Variants in TEX264 observed in about 807,000 individuals in gnomAD.
TEX264 encodes testis expressed 264, ER-phagy receptor.
Under a neutral mutation model 23.4 loss-of-function variants are expected in TEX264, and 13 were observed. The observed-to-expected ratio is 0.56, with a 90% CI of 0.36 to 0.88. The LOEUF is 0.88. Among genes scored for constraint, TEX264 ranks in the 40% least tolerant of loss-of-function variants. The pLI, the probability that TEX264 is intolerant of heterozygous loss-of-function variation, is 0.01. For missense variants in TEX264, 340 were observed against 406.8 expected, an observed-to-expected ratio of 0.84 and a Z score of 1.41; for synonymous variants, 159 against 170.0, an observed-to-expected ratio of 0.94 and a Z score of 0.50.
chr3:51,687,249 C>T (rs1330046231), intron 3 of TEX264, among the ~76,000 whole-genome samples: 2 of 152,186 alleles, frequency 1.3e-5, no homozygotes, highest in African/African-American at 4.8e-5. Flanking sequence ...CTTGTTTTGG[C>T]AGCAGGGTGT....
intron 3 of TEX264, among the ~76,000 whole-genome samples, chr3:51,692,728 A>C (rs1702872335): frequency 6.6e-6 from 1 of 152,130 alleles, no homozygotes; most frequent in Non-Finnish European, 1.5e-5. Context: ...GATCTTGGAG[A>C]GGGGGTGGGC....
In TEX264 at chr3:51,699,594, A is replaced by G. The variant is rs1375712688; in HGVS notation, c.649+20A>G. On this transcript the variant is annotated intron_variant, in intron 4 of 4. Coordinates refer to ENST00000341333, the MANE Select transcript of TEX264 (RefSeq NM_015926.6). ...GCACAGGTACAGAAGGTGGGGTATGAGGATGGGGCCCTCCTGGAGCTCCTC... is the reference window on the plus strand; with the variant it reads ...GCACAGGTACAGAAGGTGGGGTATGGGGATGGGGCCCTCCTGGAGCTCCTC... 6.2e-7 allele frequency: 1 copy of G among 1,611,382 alleles called. No homozygotes were observed. Among genetic ancestry groups the G allele is most frequent in the African/African-American group, 1.3e-5 (1 of 74,848 alleles).
chr3:51,676,365 A>C (rs1702228625), intron 2 of TEX264, among the ~76,000 whole-genome samples: 1 of 152,194 alleles, frequency 6.6e-6, no homozygotes, highest in African/African-American at 2.4e-5. Flanking sequence ...TCAGTGCTGG[A>C]GGCTGGTCTA....
chr3:51,697,609 C>T (rs934489716), intron 3 of TEX264, among the ~76,000 whole-genome samples: 1 of 152,234 alleles, frequency 6.6e-6, no homozygotes, highest in South Asian at 2.1e-4. Context: ...GGACCTTCTT[C>T]AGGGGCCTCC....
chr3:51,696,937 G>A (rs1409329145), intron 3 of TEX264, among the ~76,000 whole-genome samples: 3 of 152,210 alleles, frequency 2.0e-5, no homozygotes, highest in Non-Finnish European at 4.4e-5. Flanking sequence ...CCCTCCAGGG[G>A]TCTGGGAGCA....
rs1309854381 is a variant in TEX264 at position 51,703,767 on chromosome 3, G to A, written c.693G>A (p.Val231=). The part of the protein sequence containing the change: ...MSDTSSVSLE[V]SPGSRETSAA... Reference sequence around the variant, plus strand: ...ACACGAGTTCTGTAAGCTTGGAAGTGAGCCCTGGCAGCCGGGAGACTTCAG... The same window carrying A: ...ACACGAGTTCTGTAAGCTTGGAAGTAAGCCCTGGCAGCCGGGAGACTTCAG... The change falls in exon 5 of 5, where the codon GTG becomes GTA. Residue 231 remains valine, a synonymous_variant. Coordinates refer to ENST00000341333, the MANE Select transcript of TEX264 (RefSeq NM_015926.6). The surrounding 1 kb of genome is among the most constrained non-coding windows in gnomAD (Gnocchi z 4.8). The A allele has an allele frequency of 1.9e-6, 3 of 1,607,096 alleles. No individual in the cohort carries two copies. The highest frequency in any genetic ancestry group is 2.6e-6 in the Non-Finnish European group (3 of 1,174,762).
rs1015344979 is a variant in TEX264, at chr3:51,691,512, C to A, written c.480+6878C>A. ...ATTCGCTGGGAAAGGCAAAACAACC[C>A]TTGTGCGGTGGTGGCATTTGGGCTG... On this transcript the variant is annotated intron_variant, in intron 3 of 4. Transcript: ENST00000341333. This position sits in a 1 kb window ranked among gnomAD's most constrained non-coding sequence, Gnocchi z 4.4. Among the ~76,000 whole-genome samples, 1 of 152,190 alleles carries A rather than the reference C, an allele frequency of 6.6e-6. No individual in the cohort carries two copies. Among genetic ancestry groups the A allele is most frequent in the Non-Finnish European group, 1.5e-5 (1 of 68,040 alleles).
chr3:51,688,332 A>G (rs1409788340), intron 3 of TEX264, among the ~76,000 whole-genome samples: 2 of 152,254 alleles, frequency 1.3e-5, no homozygotes, highest in Admixed American at 6.5e-5. Context: ...TGTCCAGGGA[A>G]GGCTTCGGAC....
Position 51,694,042 on chromosome 3 carries a change from C to G in TEX264, c.481-5364C>G, listed in dbSNP as rs915346018. The stretch of plus-strand genomic sequence containing the variant: ...TCCTTCCTTCCTTCCTTCCTTCCTT[C>G]CTTCCTCCCTTCCCTTCCCTTCCCT... On this transcript the variant is annotated intron_variant, in intron 3 of 4. Coordinates refer to ENST00000341333, the MANE Select transcript of TEX264 (RefSeq NM_015926.6). 6.9e-5 allele frequency among the ~76,000 whole-genome samples: 9 copies of G among 130,260 alleles called. 1 individual carries two copies. In the Admixed American group the frequency reaches 7.0e-4, roughly 10 times the overall value. The allele number at this position is 130,260 out of a possible 152,430, so 85.5% of individuals were successfully genotyped here.
At chr3:51,682,558 A>G (rs1002597325) in intron 2 of TEX264, 4 of 152,162 alleles carry the variant, frequency 2.6e-5, no homozygotes, top group African/African-American at 7.2e-5. Flanking sequence ...TGTCATAGCT[A>G]CTAATAACCA....
chr3:51,679,279 A>G (rs1310647525), intron 2 of TEX264, among the ~76,000 whole-genome samples: 1 of 152,210 alleles, frequency 6.6e-6, no homozygotes, highest in Non-Finnish European at 1.5e-5. Context: ...ATATGGCCCA[A>G]TACCCAGTTC....
At chr3:51,689,273 C>CA (rs1702738497) in intron 3 of TEX264, among the ~76,000 whole-genome samples, 1 of 151,594 alleles carries the variant, frequency 6.6e-6, no homozygotes, top group African/African-American at 2.4e-5. Context: ...AAAAAAAATA[C>CA]AAAAAAATTA....
At chr3:51,698,498 C>A (rs1188666090) in intron 3 of TEX264, among the ~76,000 whole-genome samples, 2 of 152,180 alleles carry the variant, frequency 1.3e-5, no homozygotes, top group Non-Finnish European at 2.9e-5. Flanking sequence ...GGCAACTTGA[C>A]CCCTGTTCTG....
intron 3 of TEX264, among the ~76,000 whole-genome samples, chr3:51,693,987 T>TTTCCTTCCTTCC (rs60768031): frequency 5.8e-4 from 45 of 77,786 alleles, no homozygotes; most frequent in South Asian, 1.3e-3. Flanking sequence ...AATCCCTTTC[T>TTTCCTTCCTTCC]TTCCTTCCTT....
At chr3:51,675,924 T>G (rs1289541860) in intron 2 of TEX264, among the ~76,000 whole-genome samples, 1 of 152,078 alleles carries the variant, frequency 6.6e-6, no homozygotes, top group Non-Finnish European at 1.5e-5. Flanking sequence ...ATTTGCCACC[T>G]TTGTTTTAGG....
In TEX264 at chr3:51,703,594, C is replaced by T. The variant is rs1703401577; in HGVS notation, c.650-130C>T. 2.3e-6 allele frequency: 2 copies of T among 860,400 alleles called. No homozygotes were observed. Among genetic ancestry groups the T allele is most frequent in the Non-Finnish European group, 3.5e-6 (2 of 570,246 alleles). 53.3% of individuals were successfully genotyped at this position (860,400 alleles called of 1,614,324 possible). ...CCCAGTCAGGGTAGAGGGCAGAGGG[C>T]AGCTGGAGCAAGCCCCCTGAGCCCG... On this transcript the variant is annotated intron_variant, in intron 4 of 4. Coordinates refer to ENST00000341333, the MANE Select transcript of TEX264 (RefSeq NM_015926.6). The surrounding 1 kb of genome is among the most constrained non-coding windows in gnomAD (Gnocchi z 4.8).
chr3:51,690,242 G>A (rs983194491), intron 3 of TEX264, among the ~76,000 whole-genome samples: 1 of 152,156 alleles, frequency 6.6e-6, no homozygotes, highest in Non-Finnish European at 1.5e-5. Flanking sequence ...GGGAAATACA[G>A]GTGAGGACGC....
intron 3 of TEX264, among the ~76,000 whole-genome samples, chr3:51,689,539 T>C (rs1315592875): frequency 6.6e-6 from 1 of 152,034 alleles, no homozygotes; most frequent in East Asian, 1.9e-4. Flanking sequence ...GCCCTGGCTG[T>C]GCTGAGGTGC....
rs571419167 is a variant in TEX264, at chr3:51,673,476, GCGACTC to G, written c.-34-793_-34-788del. ...GATAATTGTTACTTCCTCCTGCTGT[GCGACTC>G]CCCTTTTAGCAGCCTTTTCCTCTTA... On this transcript the variant is annotated intron_variant, in intron 1 of 4. Transcript: ENST00000341333. Among the ~76,000 whole-genome samples, 210 of 152,326 alleles carry G rather than the reference GCGACTC, an allele frequency of 1.4e-3. 1 individual carries two copies. The South Asian group carries it at 0.016, about 12-fold the overall frequency.
Sources: allele counts gnomAD v4.1 joint callset (sites outside exome capture counted in the v4.1 genomes callset), GRCh38; gene constraint gnomAD v4.1.1; non-coding constraint Gnocchi (gnomAD v3.1); transcripts MANE v1.5; gene names NCBI Gene and HGNC (gene_info 2026-07-23, HGNC 2026-07-21).